WASF2: variants seen among roughly 807,000 people sequenced by gnomAD.
The protein encoded by WASF2 is WASP family member 2.
In WASF2, 14 loss-of-function variants were observed where a neutral mutation model predicts 45.0. The ratio of observed to expected loss-of-function variants is 0.31; its 90% CI spans 0.21 to 0.49. The LOEUF is 0.49. WASF2 is among the 20% of genes least tolerant of loss of function. WASF2 has a pLI of 0.99. For synonymous variants in WASF2, 200 were observed against 236.3 expected (o/e 0.85, Z 1.41); for missense variants, 439 against 636.1 (o/e 0.69, Z 3.33).
intron 1 of WASF2, among the ~76,000 whole-genome samples, chr1:27,433,748 C>T (rs1310143127): frequency 1.3e-5 from 2 of 152,196 alleles, no homozygotes; most frequent in Non-Finnish European, 2.9e-5. Flanking sequence ...ACCGGCTGCT[C>T]TCTTTAGTTT....
At chr1:27,483,775 T>C (rs985855241) in intron 1 of WASF2, among the ~76,000 whole-genome samples, 4 of 151,734 alleles carry the variant, frequency 2.6e-5, no homozygotes, top group Non-Finnish European at 5.9e-5. Context: ...GCAACATAGT[T>C]AGACCTCGTC....
At chr1:27,474,866 C>G (rs1004100297) in intron 1 of WASF2, among the ~76,000 whole-genome samples, 1 of 152,104 alleles carries the variant, frequency 6.6e-6, no homozygotes, top group Admixed American at 6.6e-5. Flanking sequence ...GTGGGAGGAT[C>G]ACTTGAGCCA....
intron 1 of WASF2, among the ~76,000 whole-genome samples, chr1:27,461,418 C>G (rs976221769): frequency 1.3e-5 from 2 of 151,052 alleles, no homozygotes; most frequent in Non-Finnish European, 2.9e-5. Flanking sequence ...TGACTCAATA[C>G]AGCCTTGACC....
At chr1:27,489,316 G>A (rs1003218437) in intron 1 of WASF2, among the ~76,000 whole-genome samples, 1 of 132,278 alleles carries the variant, frequency 7.6e-6, no homozygotes, top group Non-Finnish European at 1.6e-5. Flanking sequence ...TAGCAGGCCG[G>A]GGCCTCAACG....
At chr1:27,480,263 T>A (rs754020613) in intron 1 of WASF2, among the ~76,000 whole-genome samples, 5 of 152,132 alleles carry the variant, frequency 3.3e-5, no homozygotes, top group Non-Finnish European at 5.9e-5. Context: ...ATGTCTGTAA[T>A]CCCAGCACTT....
chr1:27,469,750 T>A (rs2148136699), intron 1 of WASF2, among the ~76,000 whole-genome samples: 1 of 152,282 alleles, frequency 6.6e-6, no homozygotes, highest in East Asian at 1.9e-4. Flanking sequence ...GAGACCAGCC[T>A]GGCCAACATG....
chr1:27,440,040 T>C (rs933417793), intron 1 of WASF2, among the ~76,000 whole-genome samples: 12 of 152,090 alleles, frequency 7.9e-5, no homozygotes, highest in African/African-American at 2.4e-5. Flanking sequence ...CAAAACCTAG[T>C]ATCTGAACTG....
chr1:27,447,575 T>C (rs1332240078), intron 1 of WASF2, among the ~76,000 whole-genome samples: 1 of 152,190 alleles, frequency 6.6e-6, no homozygotes, highest in African/African-American at 2.4e-5. Context: ...AGCCTAACTA[T>C]GGAAAGTTAT....
At chr1:27,457,987 TTG>T (rs2017495243) in intron 1 of WASF2, among the ~76,000 whole-genome samples, 1 of 151,924 alleles carries the variant, frequency 6.6e-6, no homozygotes, top group Admixed American at 6.6e-5. Flanking sequence ...GGACAGGAGA[TTG>T]TGTCTTTTGC....
chr1:27,428,986 T>A, intron 1 of WASF2, 53 bp from the exon 2 acceptor site: 9 of 1,221,490 alleles, frequency 7.4e-6, no homozygotes, highest in Non-Finnish European at 9.1e-6. Context: ...CCAGGCACAC[T>A]AGGGCTGTGT....
chr1:27,461,979 T>C (rs1419603734), intron 1 of WASF2, among the ~76,000 whole-genome samples: 2 of 98,784 alleles, frequency 2.0e-5, no homozygotes, highest in Non-Finnish European at 3.9e-5. Flanking sequence ...ATTTTATTAC[T>C]TTTTTTTTTT....
intron 6 of WASF2, among the ~76,000 whole-genome samples, chr1:27,413,210 G>C (rs2016787912): frequency 6.6e-6 from 1 of 152,196 alleles, no homozygotes; most frequent in Non-Finnish European, 1.5e-5. Context: ...GCAAAATCAA[G>C]CTGAGGATGA....
intron 1 of WASF2, among the ~76,000 whole-genome samples, chr1:27,430,635 C>G (rs769367559): frequency 6.6e-6 from 1 of 151,990 alleles, no homozygotes; most frequent in Non-Finnish European, 1.5e-5. Context: ...TGAGCCACCA[C>G]GCCCAGCCTT....
chr1:27,427,859 G>A (rs1052589958), intron 2 of WASF2, among the ~76,000 whole-genome samples: 15 of 152,032 alleles, frequency 9.9e-5, no homozygotes, highest in East Asian at 5.8e-4. Context: ...GCATTTTGAC[G>A]GAGGTTCTTA....
intron 1 of WASF2, among the ~76,000 whole-genome samples, chr1:27,435,356 C>T (rs1026478339): frequency 3.3e-5 from 5 of 152,020 alleles, no homozygotes; most frequent in Admixed American, 6.5e-5. Context: ...GAGCTGAGAC[C>T]GGAAGATTGC....
intron 1 of WASF2, among the ~76,000 whole-genome samples, chr1:27,465,674 G>A (rs1250867394): frequency 6.6e-6 from 1 of 152,164 alleles, no homozygotes; most frequent in Non-Finnish European, 1.5e-5. Flanking sequence ...GGCTAAGGAA[G>A]GCTACGGTTC....
intron 1 of WASF2, among the ~76,000 whole-genome samples, chr1:27,452,241 G>A (rs941271475): frequency 3.9e-5 from 6 of 152,226 alleles, no homozygotes; most frequent in East Asian, 1.9e-4. Context: ...CAGGCTGCGC[G>A]CCGTGGCTCA....
rs1284209781 is a variant in WASF2, at chr1:27,477,924, A to AT, written c.-44+12061_-44+12062insA. Among the ~76,000 whole-genome samples, 9 of 101,424 alleles carry AT rather than the reference A, an allele frequency of 8.9e-5. 1 individual carries two copies. Among genetic ancestry groups the AT allele is most frequent in the African/African-American group, 5.4e-4 (9 of 16,530 alleles). 66.5% of individuals were successfully genotyped at this position (101,424 alleles called of 152,430 possible). On this transcript the variant is annotated intron_variant, in intron 1 of 8. Transcript: ENST00000618852. ...AAAAAAAAAAAATAAATAAATAAAA[A>AT]AAAAAATAAAAATAAATAAATCTAG...
Position 27,414,740 on chromosome 1 carries a change from C to T in WASF2, c.668+93G>A, listed in dbSNP as rs191051787. ...TGATCTAAGCCACAGAGACAGACTTCAGGGGGTGTGAAAGGTGTCACACCA... is the reference window on the plus strand; with the variant it reads ...TGATCTAAGCCACAGAGACAGACTTTAGGGGGTGTGAAAGGTGTCACACCA... On this transcript the variant is annotated intron_variant, in intron 6 of 8. Transcript: ENST00000618852. The surrounding 1 kb of genome is among the most constrained non-coding windows in gnomAD (Gnocchi z 4.1). 1,011 of 1,516,304 alleles carry T rather than the reference C, an allele frequency of 6.7e-4. 3 individuals are homozygous for T. The highest frequency in any genetic ancestry group is 4.6e-3 in the African/African-American group (332 of 72,116). The allele number at this position is 1,516,304 out of a possible 1,614,324, so 93.9% of individuals were successfully genotyped here. A position where few individuals can be genotyped will look rare whatever the true frequency, so the allele number is the denominator to read the frequency against.
Sources: allele counts gnomAD v4.1 joint callset (sites outside exome capture counted in the v4.1 genomes callset), GRCh38; gene constraint gnomAD v4.1.1; non-coding constraint Gnocchi (gnomAD v3.1); transcripts MANE v1.5; gene names NCBI Gene and HGNC (gene_info 2026-07-23, HGNC 2026-07-21).